Variants in AUTS2 observed in about 807,000 individuals in gnomAD.
The protein encoded by AUTS2 is autism susceptibility gene 2 protein.
In AUTS2, 17 loss-of-function variants were observed where a neutral mutation model predicts 112.4. The observed-to-expected ratio is 0.15, with a 90% CI of 0.10 to 0.23. The LOEUF (loss-of-function observed/expected upper bound fraction) is 0.23, where lower values mean the gene tolerates loss of function less well. Ranked by LOEUF, AUTS2 falls within the 10% of genes least tolerant of loss-of-function variation. The probability of loss-of-function intolerance (pLI) is 1.00; values close to 1 mark genes in which losing one functional copy is unlikely to be tolerated. For missense variants in AUTS2, 1,510 were observed against 1,701.6 expected, an observed-to-expected ratio of 0.89 and a Z score of 1.98; for synonymous variants, 751 against 702.7, an observed-to-expected ratio of 1.07 and a Z score of -1.09.
At chr7:70,626,521 C>G (rs902795317) in intron 5 of AUTS2, among the ~76,000 whole-genome samples, 118 of 151,412 alleles carry the variant, frequency 7.8e-4, no homozygotes, top group African/African-American at 2.7e-3. Flanking sequence ...AAAAAATTTC[C>G]ACTTTTATTT....
intron 1 of AUTS2, among the ~76,000 whole-genome samples, chr7:69,848,158 C>A (rs1430420847): frequency 6.6e-6 from 1 of 152,082 alleles, no homozygotes; most frequent in Non-Finnish European, 1.5e-5. Flanking sequence ...TAGGGACCTT[C>A]TTCCTTCCTT....
chr7:70,674,570 G>A (rs1356873491), intron 5 of AUTS2, among the ~76,000 whole-genome samples: 2 of 152,190 alleles, frequency 1.3e-5, no homozygotes, highest in Admixed American at 6.5e-5. Context: ...CACCTAACGC[G>A]ATCCCGCGGC....
chr7:70,722,990 G>A (rs1003584619), intron 6 of AUTS2, among the ~76,000 whole-genome samples: 1 of 152,162 alleles, frequency 6.6e-6, no homozygotes, highest in Non-Finnish European at 1.5e-5. Context: ...TTTGTTCCCA[G>A]ATAAACCTGA....
chr7:69,649,574 A>G (rs1379836141), intron 1 of AUTS2, among the ~76,000 whole-genome samples: 1 of 151,736 alleles, frequency 6.6e-6, no homozygotes, highest in East Asian at 1.9e-4. Context: ...TCCGTGGCCA[A>G]CTCAAAGACT....
intron 4 of AUTS2, among the ~76,000 whole-genome samples, chr7:70,263,640 G>A (rs1040393295): frequency 1.3e-5 from 2 of 152,120 alleles, no homozygotes; most frequent in Non-Finnish European, 1.5e-5. Flanking sequence ...TTGGAAAGCC[G>A]AAACAAATTT....
chr7:70,111,051 T>G (rs993084154), intron 2 of AUTS2, among the ~76,000 whole-genome samples: 44 of 151,792 alleles, frequency 2.9e-4, no homozygotes, highest in African/African-American at 9.9e-4. Context: ...TTTTTTTTTT[T>G]TGTATTTTTA....
chr7:70,327,694 G>T (rs1790554993), intron 4 of AUTS2, among the ~76,000 whole-genome samples: 1 of 152,126 alleles, frequency 6.6e-6, no homozygotes, highest in Non-Finnish European at 1.5e-5. Flanking sequence ...CCCTCAAAAT[G>T]CAATACAGGT....
At chr7:69,908,145 C>T (rs967052800) in intron 2 of AUTS2, among the ~76,000 whole-genome samples, 3 of 152,020 alleles carry the variant, frequency 2.0e-5, no homozygotes, top group African/African-American at 7.2e-5. Context: ...GGGACAAAAC[C>T]GTGCTGAATT....
At chr7:70,629,281 G>A (rs570411064) in intron 5 of AUTS2, among the ~76,000 whole-genome samples, 207 of 152,238 alleles carry the variant, frequency 1.4e-3, no homozygotes, top group African/African-American at 4.6e-3. Flanking sequence ...GACCAGCTTG[G>A]CCAACAGGGT....
chr7:70,746,588 G>T (rs907541506), intron 6 of AUTS2, among the ~76,000 whole-genome samples: 1 of 152,210 alleles, frequency 6.6e-6, no homozygotes, highest in Non-Finnish European at 1.5e-5. Context: ...CAGAGCAGAT[G>T]GCTAGCAGGG....
At chr7:70,316,005 T>A (rs1476367772) in intron 4 of AUTS2, among the ~76,000 whole-genome samples, 1 of 152,212 alleles carries the variant, frequency 6.6e-6, no homozygotes, top group African/African-American at 2.4e-5. Context: ...TCATAGCCAA[T>A]CTGTAGCTCA....
intron 3 of AUTS2, chr7:70,119,933 AC>A (rs1349726623): frequency 3.9e-5 from 6 of 152,338 alleles, no homozygotes; most frequent in African/African-American, 1.4e-4. Flanking sequence ...AAATACTAGT[AC>A]TTTTTTTCTT....
At chr7:70,182,536 C>G (rs934835758) in intron 4 of AUTS2, among the ~76,000 whole-genome samples, 8 of 152,128 alleles carry the variant, frequency 5.3e-5, no homozygotes, top group African/African-American at 1.9e-4. Context: ...AATTTATAAT[C>G]AAATCGAACT....
intron 5 of AUTS2, among the ~76,000 whole-genome samples, chr7:70,531,402 T>C (rs1380844833): frequency 2.0e-5 from 3 of 152,206 alleles, no homozygotes; most frequent in African/African-American, 7.2e-5. Context: ...TCTAAAGGAA[T>C]ACCTGAGGCT....
intron 1 of AUTS2, among the ~76,000 whole-genome samples, chr7:69,874,250 A>T (rs529871297): frequency 3.3e-5 from 5 of 152,088 alleles, no homozygotes; most frequent in Non-Finnish European, 7.4e-5. Flanking sequence ...AAGAGACGTG[A>T]AGACACACTT....
intron 1 of AUTS2, among the ~76,000 whole-genome samples, chr7:69,607,313 C>G (rs1185702280): frequency 1.3e-5 from 2 of 152,202 alleles, no homozygotes; most frequent in Non-Finnish European, 2.9e-5. Flanking sequence ...CTGCCCACCT[C>G]CCTCCTTTCC....
At chr7:70,153,868 G>A (rs921821118) in intron 4 of AUTS2, among the ~76,000 whole-genome samples, 3 of 152,094 alleles carry the variant, frequency 2.0e-5, no homozygotes, top group Admixed American at 6.5e-5. Context: ...ATAGAATTAC[G>A]GGAGAGAAAA....
intron 2 of AUTS2, among the ~76,000 whole-genome samples, chr7:69,904,751 C>G (rs1795090384): frequency 6.6e-6 from 1 of 152,030 alleles, no homozygotes; most frequent in Non-Finnish European, 1.5e-5. Flanking sequence ...AAATAAAATT[C>G]TTTATATTTT....
At chr7:70,170,089 T>TAA (rs997572282) in intron 4 of AUTS2, among the ~76,000 whole-genome samples, 1 of 142,064 alleles carries the variant, frequency 7.0e-6, no homozygotes, top group Non-Finnish European at 1.5e-5. Context: ...TTTTTTTTAT[T>TAA]AAAAAAAAAA....
Sources: gnomAD v4.1 joint callset for allele counts (sites outside exome capture counted in the v4.1 genomes callset) on GRCh38, gnomAD v4.1.1 for gene constraint, MANE v1.5 for transcripts, NCBI Gene and HGNC (gene_info 2026-07-23, HGNC 2026-07-21) for gene names.